Variants in CDH12 observed in about 807,000 individuals in gnomAD.
CDH12 encodes the protein cadherin-12.
Under a neutral mutation model 74.1 loss-of-function variants are expected in CDH12, and 41 were observed. The observed-to-expected ratio is 0.55, with a 90% confidence interval of 0.43 to 0.72. CDH12 has a LOEUF of 0.72. Ranked by LOEUF, CDH12 falls within the 30% of genes least tolerant of loss-of-function variation. CDH12 has a pLI of 0.00. For missense variants in CDH12, 945 were observed against 977.2 expected (o/e 0.97, Z 0.44); for synonymous variants, 399 against 355.0 (o/e 1.12, Z -1.39).
chr5:21,883,774 C>G, intron 6 of CDH12: 2 of 1,573,946 alleles, frequency 1.3e-6, no homozygotes, highest in South Asian at 1.1e-5. Flanking sequence ...GAATGGCTGG[C>G]AAAACTTTCA....
At chr5:21,794,264 C>T (rs1449477382) in intron 10 of CDH12, among the ~76,000 whole-genome samples, 1 of 151,506 alleles carries the variant, frequency 6.6e-6, no homozygotes, top group East Asian at 1.9e-4. Context: ...TTTTCTTCTT[C>T]TCTTTCTTGT....
At chr5:22,090,631 T>C (rs1217741323) in intron 4 of CDH12, among the ~76,000 whole-genome samples, 1 of 145,088 alleles carries the variant, frequency 6.9e-6, no homozygotes, top group East Asian at 2.0e-4. Context: ...ACACACACCC[T>C]CCTGAATACC....
At chr5:22,620,949 A>G (rs1041671912) in intron 1 of CDH12, among the ~76,000 whole-genome samples, 1 of 152,220 alleles carries the variant, frequency 6.6e-6, no homozygotes, top group Non-Finnish European at 1.5e-5. Context: ...CCATAAACTT[A>G]GCATCTTCAA....
intron 1 of CDH12, among the ~76,000 whole-genome samples, chr5:22,704,044 T>G (rs1005814781): frequency 2.0e-5 from 3 of 152,286 alleles, no homozygotes; most frequent in South Asian, 2.1e-4. Flanking sequence ...AAACATTTTT[T>G]GGGGGGTTCC....
chr5:22,363,386 G>C (rs1030994160), intron 3 of CDH12, among the ~76,000 whole-genome samples: 3 of 152,066 alleles, frequency 2.0e-5, no homozygotes, highest in Non-Finnish European at 4.4e-5. Context: ...TTGGGAAACA[G>C]AATACTTAGG....
chr5:21,880,468 T>TCCC lies in CDH12; in HGVS notation c.527-25679_527-25678insGGG, dbSNP rs1199721827. Among the ~76,000 whole-genome samples, 3 of 10,764 alleles carry TCCC rather than the reference T, an allele frequency of 2.8e-4. No homozygotes were observed. In the Non-Finnish European group the frequency reaches 4.8e-3, roughly 17 times the overall value. The allele number at this position is 10,764 out of a possible 152,430, so 7.1% of individuals were successfully genotyped here. Reference sequence around the variant, plus strand: ...CTTCTTTCCTTCCTTCCTTCCTTCTTTCCTTCCTTCCTTCCTTCCTTCCTT... The same window carrying TCCC: ...CTTCTTTCCTTCCTTCCTTCCTTCTTCCCTCCTTCCTTCCTTCCTTCCTTCCTT... On this transcript the variant is annotated intron_variant, in intron 6 of 14. Transcript: ENST00000382254.
chr5:22,096,955 T>C (rs1376584308), intron 4 of CDH12, among the ~76,000 whole-genome samples: 2 of 152,154 alleles, frequency 1.3e-5, no homozygotes, highest in Non-Finnish European at 2.9e-5. Context: ...TATGCAATAA[T>C]AGAGTAGAGG....
At chr5:22,660,877 T>G (rs1460875920) in intron 1 of CDH12, among the ~76,000 whole-genome samples, 2 of 152,218 alleles carry the variant, frequency 1.3e-5, no homozygotes, top group African/African-American at 2.4e-5. Context: ...ATAATATTGA[T>G]GTAGTAATAA....
In CDH12 at chr5:22,835,608, T is replaced by C. The variant is rs1435012246; in HGVS notation, c.-523+17450A>G. 1.3e-5 allele frequency among the ~76,000 whole-genome samples: 2 copies of C among 152,216 alleles called. 1 individual carries two copies. On this transcript the variant is annotated intron_variant, in intron 1 of 14. Coordinates refer to ENST00000382254, the MANE Select transcript of CDH12 (RefSeq NM_004061.5). ...ATCTCTCCGTGAATCTTAGAATTTT[T>C]CTATGGTATTATTTTACCAGTAAGC... is the stretch of plus-strand genomic sequence containing the variant.
chr5:22,797,230 T>G (rs1008051362), intron 1 of CDH12, among the ~76,000 whole-genome samples: 1 of 149,948 alleles, frequency 6.7e-6, no homozygotes, highest in East Asian at 2.0e-4. Context: ...CTCTTGCACT[T>G]GCTGCCATGT....
Position 22,628,610 on chromosome 5 carries a change from G to A in CDH12, c.-522-123246C>T, listed in dbSNP as rs116169188. On this transcript the variant is annotated intron_variant, in intron 1 of 14. Transcript: ENST00000382254. ...ACACAGCCAAGGCAGTGTTAACAGG[G>A]AAGTTTATAGCGCTAAACACCAGTG... 8.0e-3 allele frequency among the ~76,000 whole-genome samples: 1,216 copies of A among 152,168 alleles called. 14 individuals are homozygous for A. Among genetic ancestry groups the A allele is most frequent in the African/African-American group, 0.028 (1,176 of 41,528 alleles).
intron 5 of CDH12, among the ~76,000 whole-genome samples, chr5:22,033,481 A>T (rs1323137488): frequency 6.6e-6 from 1 of 152,180 alleles, no homozygotes; most frequent in Non-Finnish European, 1.5e-5. Context: ...TGAGCCAATT[A>T]TACAAAATCT....
chr5:22,253,896 G>T (rs1350670435), intron 3 of CDH12, among the ~76,000 whole-genome samples: 1 of 151,972 alleles, frequency 6.6e-6, no homozygotes, highest in Non-Finnish European at 1.5e-5. Context: ...GTAGTTTAAA[G>T]TTCATCGAAT....
At chr5:22,190,415 CT>C (rs1554019190) in intron 4 of CDH12, among the ~76,000 whole-genome samples, 1 of 151,730 alleles carries the variant, frequency 6.6e-6, no homozygotes, top group Admixed American at 6.6e-5. Context: ...CTCTATCCAT[CT>C]TTTTTTCCCA....
intron 11 of CDH12, 116 bp downstream of exon 11, chr5:21,783,242 G>A (rs916749370): frequency 4.0e-5 from 35 of 866,088 alleles, no homozygotes; most frequent in South Asian, 2.3e-4. Context: ...GAGTTTCCCC[G>A]CGAGACCACT....
At chr5:22,501,208 C>T (rs1040236125) in intron 2 of CDH12, among the ~76,000 whole-genome samples, 2 of 152,096 alleles carry the variant, frequency 1.3e-5, no homozygotes, top group African/African-American at 4.8e-5. Flanking sequence ...GAATAAAATG[C>T]ATGTAAATGA....
At chr5:22,773,859 A>G (rs1028579779) in intron 1 of CDH12, among the ~76,000 whole-genome samples, 7 of 152,158 alleles carry the variant, frequency 4.6e-5, no homozygotes, top group African/African-American at 1.4e-4. Flanking sequence ...GGAAGAAGAT[A>G]TACAAACAGC....
In CDH12 at chr5:22,797,214, A is replaced by C. The variant is rs533790725; in HGVS notation, c.-523+55844T>G. 1.1e-4 allele frequency among the ~76,000 whole-genome samples: 17 copies of C among 148,470 alleles called. No homozygotes were observed. The South Asian group carries it at 3.7e-3, about 32-fold the overall frequency. ...AAAAAAAAAAAAAAAAAAGATCCAG[A>C]GAGCTCTCTTGCACTTGCTGCCATG... On this transcript the variant is annotated intron_variant, in intron 1 of 14. Coordinates refer to ENST00000382254, the MANE Select transcript of CDH12 (RefSeq NM_004061.5).
chr5:22,684,120 C>T (rs942432263), intron 1 of CDH12, among the ~76,000 whole-genome samples: 1 of 152,120 alleles, frequency 6.6e-6, no homozygotes, highest in Non-Finnish European at 1.5e-5. Flanking sequence ...CATTGTTTGT[C>T]TGAGGCCCTT....
Sources: gnomAD v4.1 joint callset for allele counts (sites outside exome capture counted in the v4.1 genomes callset) on GRCh38, gnomAD v4.1.1 for gene constraint, MANE v1.5 for transcripts, NCBI Gene and HGNC (gene_info 2026-07-23, HGNC 2026-07-21) for gene names.